The following ABRAXAS1 variants were observed in gnomAD, a reference collection of about 807,000 sequenced individuals.
ABRAXAS1 encodes abraxas 1, BRCA1 A complex subunit.
A neutral mutation model predicts 38.4 loss-of-function variants in ABRAXAS1; 26 were observed. The observed-to-expected ratio is 0.68, with a 90% CI of 0.50 to 0.94. The LOEUF (loss-of-function observed/expected upper bound fraction) is 0.94. ABRAXAS1 is among the 40% of genes least tolerant of loss of function. The probability of loss-of-function intolerance (pLI) is 0.00; values close to 1 mark genes in which losing one functional copy is unlikely to be tolerated. For missense variants in ABRAXAS1, 438 were observed against 481.9 expected (o/e 0.91, Z 0.85); for synonymous variants, 144 against 165.5 (o/e 0.87, Z 1.00).
intron 7 of ABRAXAS1, among the ~76,000 whole-genome samples, chr4:83,465,561 G>A (rs1164862717): frequency 3.3e-5 from 5 of 152,176 alleles, no homozygotes; most frequent in Admixed American, 3.3e-4. Context: ...GCCAAGGAAG[G>A]TGGATTGCTT....
rs1722004432 is a variant in ABRAXAS1, at chr4:83,459,680, C to G, written c.*2789G>C. On this transcript the variant is annotated 3_prime_UTR_variant, in exon 9 of 9. Transcript: ENST00000321945. Reference sequence around the variant, plus strand: ...CCTGAAGGTTGTTTTTTGAAATTTACACATTCAGAAATAAATAACAGATAC... The same window carrying G: ...CCTGAAGGTTGTTTTTTGAAATTTAGACATTCAGAAATAAATAACAGATAC... 6.9e-7 allele frequency: 1 copy of G among 1,453,742 alleles called. No individual in the cohort carries two copies. The highest frequency in any genetic ancestry group is 9.5e-7 in the Non-Finnish European group (1 of 1,052,412). The allele number at this position is 1,453,742 out of a possible 1,614,324, so 90.1% of individuals were successfully genotyped here.
chr4:83,474,248 T>C (rs1722685328), intron 3 of ABRAXAS1, among the ~76,000 whole-genome samples: 1 of 152,132 alleles, frequency 6.6e-6, no homozygotes, highest in Non-Finnish European at 1.5e-5. Context: ...TCCTCCACAT[T>C]TCTGAGGTAA....
rs575476249 is a variant in ABRAXAS1, at chr4:83,460,716, C to T, written c.*1753G>A. On this transcript the variant is annotated 3_prime_UTR_variant, in exon 9 of 9. Coordinates refer to ENST00000321945, the MANE Select transcript of ABRAXAS1 (RefSeq NM_139076.3). ...GCCAGGAGTTCAGGACCAGCCTGGC[C>T]AATATGGTGAAACCCCGTTTCTACT... 1.2e-4 allele frequency: 46 copies of T among 390,198 alleles called. No individual in the cohort carries two copies. Among genetic ancestry groups the T allele is most frequent in the African/African-American group, 9.4e-4 (45 of 47,850 alleles). The allele number at this position is 390,198 out of a possible 1,614,324, so 24.2% of individuals were successfully genotyped here.
In ABRAXAS1 at chr4:83,459,666, T is replaced by G; in HGVS notation, c.*2803A>C. 1.5e-6 allele frequency: 2 copies of G among 1,371,342 alleles called. No homozygotes were observed. Among genetic ancestry groups the G allele is most frequent in the Non-Finnish European group, 2.0e-6 (2 of 978,212 alleles). 84.9% of individuals were successfully genotyped at this position (1,371,342 alleles called of 1,614,324 possible). A position where few individuals can be genotyped will look rare whatever the true frequency, so the allele number is the denominator to read the frequency against. On this transcript the variant is annotated 3_prime_UTR_variant, in exon 9 of 9. Transcript: ENST00000321945. Reference sequence around the variant, plus strand: ...AAAGCTTTATATAACCTGAAGGTTGTTTTTTGAAATTTACACATTCAGAAA... The same window carrying G: ...AAAGCTTTATATAACCTGAAGGTTGGTTTTTGAAATTTACACATTCAGAAA...
chr4:83,482,767 GC>G (rs1487628687), intron 1 of ABRAXAS1, among the ~76,000 whole-genome samples: 1 of 152,102 alleles, frequency 6.6e-6, no homozygotes, highest in African/African-American at 2.4e-5. Flanking sequence ...AATCAGAGTA[GC>G]CCTGGGGAGG....
In ABRAXAS1 at chr4:83,462,336, T is replaced by C. The variant is rs76266580; in HGVS notation, c.*133A>G. The C allele has an allele frequency of 3.4e-3, 2,559 of 742,898 alleles. 37 individuals carry two copies. The African/African-American group carries it at 0.04, about 12-fold the overall frequency. The allele number at this position is 742,898 out of a possible 1,614,324, so 46.0% of individuals were successfully genotyped here. ...GTAAATGCACTAAGAGTTATCTGTG[T>C]ATTACTGCAAACAGGTGAACATAGT... On this transcript the variant is annotated 3_prime_UTR_variant, in exon 9 of 9. Transcript: ENST00000321945.
intron 2 of ABRAXAS1, chr4:83,478,037 T>C: frequency 1.0e-6 from 1 of 989,790 alleles, no homozygotes; most frequent in Non-Finnish European, 1.6e-6. Context: ...CAGGGGTCTG[T>C]GGAGGAGTGT....
Position 83,476,631 on chromosome 4 carries a change from A to G in ABRAXAS1, c.215+12T>C. On this transcript the variant is annotated intron_variant, in intron 3 of 8. Transcript: ENST00000321945. ...CACAATGGATCATTTACTTACTAGC[A>G]CTACTACTTACCTAAAAAGCTGATA... is the stretch of plus-strand genomic sequence containing the variant. The G allele has an allele frequency of 6.5e-7, 1 of 1,542,638 alleles. No homozygotes were observed.
rs375071044 is a variant in ABRAXAS1 at position 83,470,202 on chromosome 4, C to A, written c.476+1G>T. 6.2e-7 allele frequency: 1 copy of A among 1,604,740 alleles called. No individual in the cohort carries two copies. The highest frequency in any genetic ancestry group is 8.5e-7 in the Non-Finnish European group (1 of 1,174,742). On this transcript the variant is annotated splice_donor_variant, in intron 5 of 8. Coordinates refer to ENST00000321945, the MANE Select transcript of ABRAXAS1 (RefSeq NM_139076.3). LOFTEE classifies it high-confidence loss of function. ...ACAGCCAGTGACTGGCCAACATTTA[C>A]CCTTTTTGAGGTTTATATAAGGAAT...
In ABRAXAS1 at chr4:83,473,790, T is replaced by C. The variant is rs111384793; in HGVS notation, c.216-1502A>G. Among the ~76,000 whole-genome samples, 1,439 of 151,728 alleles carry C rather than the reference T, an allele frequency of 9.5e-3. 14 individuals carry two copies. Among genetic ancestry groups the C allele is most frequent in the Non-Finnish European group, 0.015 (995 of 67,860 alleles). On this transcript the variant is annotated intron_variant, in intron 3 of 8. Coordinates refer to ENST00000321945, the MANE Select transcript of ABRAXAS1 (RefSeq NM_139076.3). The stretch of plus-strand genomic sequence containing the variant: ...CTCACCTCCCAAAGTGCTGGAATTA[T>C]AGGCGTGAGCCACCATGACCCACCT...
At chr4:83,472,077 G>C in intron 4 of ABRAXAS1, 145 bp downstream of exon 4, 2 of 446,048 alleles carry the variant, frequency 4.5e-6, no homozygotes, top group Admixed American at 4.4e-5. Flanking sequence ...TCAATTTCTG[G>C]GAAGAACAAA....
At chr4:83,477,703 A>C (rs1722831439) in intron 2 of ABRAXAS1, 1 of 610,668 alleles carries the variant, frequency 1.6e-6, no homozygotes, top group Admixed American at 1.9e-5. Flanking sequence ...CAAAATATAG[A>C]CGGATGTTTC....
chr4:83,477,635 C>T, intron 2 of ABRAXAS1: 1 of 513,028 alleles, frequency 1.9e-6, no homozygotes. Context: ...ATGGACCTTG[C>T]CAAAACACGA....
chr4:83,485,098 G>A lies in ABRAXAS1; in HGVS notation c.-26C>T, dbSNP rs779465708. ...GCTACCGCCGCCTCAGGCTACACAA[G>A]AGGACGAGGGCGGGGCGCGCGGAGG... On this transcript the variant is annotated 5_prime_UTR_variant, in exon 1 of 9. Transcript: ENST00000321945. 11 of 1,547,902 alleles carry A rather than the reference G, an allele frequency of 7.1e-6. No individual in the cohort carries two copies. Among genetic ancestry groups the A allele is most frequent in the Non-Finnish European group, 9.6e-6 (11 of 1,142,174 alleles).
At chr4:83,480,346 T>C (rs571739356) in intron 2 of ABRAXAS1, 2 of 417,210 alleles carry the variant, frequency 4.8e-6, no homozygotes, top group Non-Finnish European at 9.4e-6. Flanking sequence ...CACTCCAGTC[T>C]GGGCGACAGA....
intron 1 of ABRAXAS1, among the ~76,000 whole-genome samples, chr4:83,482,665 C>T (rs1723040215): frequency 6.6e-6 from 1 of 152,138 alleles, no homozygotes; most frequent in Non-Finnish European, 1.5e-5. Context: ...CACTGCACTC[C>T]AGCCCAGGCG....
At chr4:83,484,304 TC>T in intron 1 of ABRAXAS1, 1 of 700,014 alleles carries the variant, frequency 1.4e-6, no homozygotes, top group Non-Finnish European at 1.8e-6. Flanking sequence ...GCTTAGACTT[TC>T]TTTCTGCAAG....
chr4:83,480,930 A>G (rs895298481), intron 2 of ABRAXAS1, among the ~76,000 whole-genome samples: 6 of 152,160 alleles, frequency 3.9e-5, no homozygotes, highest in Admixed American at 3.3e-4. Flanking sequence ...CAGGAGTTCA[A>G]GGCAAGCCTC....
At chr4:83,482,125 T>C (rs778661379) in intron 2 of ABRAXAS1, 29 bp downstream of exon 2, 4 of 1,373,322 alleles carry the variant, frequency 2.9e-6, no homozygotes, top group Non-Finnish European at 4.1e-6. Flanking sequence ...ACACAGATGA[T>C]TCAAATATAG....
Sources: allele counts gnomAD v4.1 joint callset (sites outside exome capture counted in the v4.1 genomes callset), GRCh38; gene constraint gnomAD v4.1.1; transcripts MANE v1.5; gene names NCBI Gene and HGNC (gene_info 2026-07-23, HGNC 2026-07-21).